The following OPRK1 variants were observed in gnomAD, a reference collection of about 807,000 sequenced individuals.
OPRK1 encodes kappa-type opioid receptor.
Under a neutral mutation model 24.5 loss-of-function variants are expected in OPRK1, and 15 were observed. The ratio of observed to expected loss-of-function variants is 0.61; its 90% confidence interval spans 0.41 to 0.94. The LOEUF (loss-of-function observed/expected upper bound fraction) is 0.94. Among genes scored for constraint, OPRK1 ranks in the 40% least tolerant of loss-of-function variants. OPRK1 has a pLI of 0.00. For missense variants in OPRK1, 479 were observed against 507.3 expected, an observed-to-expected ratio of 0.94 and a Z score of 0.54; for synonymous variants, 205 against 198.0, an observed-to-expected ratio of 1.04 and a Z score of -0.30.
At chr8:53,243,284 GCACAGCCA>G (rs1300727223) in intron 2 of OPRK1, among the ~76,000 whole-genome samples, 1 of 152,150 alleles carries the variant, frequency 6.6e-6, no homozygotes, top group African/African-American at 2.4e-5. Context: ...GGTGCCAACT[GCACAGCCA>G]CATGAAAATA....
chr8:53,239,596 C>T (rs1807069545), intron 2 of OPRK1, among the ~76,000 whole-genome samples: 2 of 152,162 alleles, frequency 1.3e-5, no homozygotes, highest in Admixed American at 1.3e-4. Context: ...TTATTGATGA[C>T]ATTATGTGAC....
chr8:53,238,807 A>G, intron 2 of OPRK1: 2 of 632,800 alleles, frequency 3.2e-6, no homozygotes, highest in Non-Finnish European at 3.9e-6. Context: ...GCACTTGAGA[A>G]GGGGGAGCTG....
At chr8:53,232,716 C>A (rs1393979078) in intron 3 of OPRK1, among the ~76,000 whole-genome samples, 1 of 152,154 alleles carries the variant, frequency 6.6e-6, no homozygotes, top group Non-Finnish European at 1.5e-5. Flanking sequence ...CTGCTGGCTC[C>A]TGTTCCAGCA....
intron 2 of OPRK1, among the ~76,000 whole-genome samples, chr8:53,245,487 C>T (rs73589373): frequency 0.1 from 15,137 of 152,112 alleles, 823 homozygotes; most frequent in South Asian, 0.18. Flanking sequence ...ACCCAGTCTG[C>T]GGTGCTTTGT....
At chr8:53,239,352 G>C (rs1168369766) in intron 2 of OPRK1, among the ~76,000 whole-genome samples, 1 of 152,224 alleles carries the variant, frequency 6.6e-6, no homozygotes, top group African/African-American at 2.4e-5. Context: ...GCTGTGTAGT[G>C]AGGAAATCAG....
At position 53,250,756 on chromosome 8, in the gene OPRK1, A is replaced by AGCGCTGCGCTGTCCCC. The variant is rs776100328; in HGVS notation, c.257+9_257+24dup. The AGCGCTGCGCTGTCCCC allele has an allele frequency of 7.6e-6, 12 of 1,573,394 alleles. No homozygotes were observed. The South Asian group carries it at 1.3e-4, about 17-fold the overall frequency. On this transcript the variant is annotated intron_variant, in intron 2 of 3. Coordinates refer to ENST00000265572, the MANE Select transcript of OPRK1 (RefSeq NM_000912.5). ...TCACTCCCTGCCCCGCCCAGCCCCC[A>AGCGCTGCGCTGTCCCC]GCGCTGCGCTGTCCCCGCGCTCACC...
At chr8:53,243,220 G>A (rs1807155295) in intron 2 of OPRK1, among the ~76,000 whole-genome samples, 1 of 152,218 alleles carries the variant, frequency 6.6e-6, no homozygotes, top group Non-Finnish European at 1.5e-5. Context: ...TGAGCACAGA[G>A]ACTCCTGGGG....
At chr8:53,251,284 C>T in intron 1 of OPRK1, 164 bp downstream of exon 1, 2 of 563,314 alleles carry the variant, frequency 3.6e-6, no homozygotes, top group Non-Finnish European at 5.9e-6. Context: ...GAAGAGCGCT[C>T]GCTCCTTCTC....
At chr8:53,246,967 C>A (rs1392050477) in intron 2 of OPRK1, among the ~76,000 whole-genome samples, 2 of 152,140 alleles carry the variant, frequency 1.3e-5, no homozygotes. Context: ...GTCAGATATA[C>A]TTGAAGGTGG....
At chr8:53,244,261 G>C (rs1295088038) in intron 2 of OPRK1, among the ~76,000 whole-genome samples, 2 of 152,178 alleles carry the variant, frequency 1.3e-5, no homozygotes, top group Admixed American at 1.3e-4. Flanking sequence ...TGGAACTTCT[G>C]TTCAGTGGAC....
At chr8:53,247,687 A>AG (rs71252984) in intron 2 of OPRK1, among the ~76,000 whole-genome samples, 151,961 of 151,962 alleles carry the variant, frequency 1, 75,980 homozygotes, top group Non-Finnish European at 1. Context: ...GGAAGTCAGG[A>AG]ACCACAGGAT....
In OPRK1 at chr8:53,229,612, G is replaced by A. The variant is rs775085942; in HGVS notation, c.828C>T (p.Val276=). ...CGACGAAGACTGCCACCACCACCAG[G>A]ACCAGTCTGGTGATCCTACGCAGGT... The part of the protein sequence containing the change: ...DRNLRRITRL[V]LVVVAVFVVC... Residue 276 remains valine, a synonymous_variant, in exon 4 of 4, where the codon GTC becomes GTT. Coordinates refer to ENST00000265572, the MANE Select transcript of OPRK1 (RefSeq NM_000912.5). The A allele has an allele frequency of 6.2e-7, 1 of 1,614,104 alleles. No homozygotes were observed. The highest frequency in any genetic ancestry group is 8.5e-7 in the Non-Finnish European group (1 of 1,179,976).
chr8:53,238,532 T>C (rs1175176412), intron 2 of OPRK1: 2 of 985,262 alleles, frequency 2.0e-6, no homozygotes, highest in Non-Finnish European at 2.4e-6. Flanking sequence ...GGAACTTGAG[T>C]TGTGAGCACC....
chr8:53,234,649 G>C (rs555961101), intron 3 of OPRK1, 110 bp downstream of exon 3: 2 of 937,128 alleles, frequency 2.1e-6, no homozygotes, highest in African/African-American at 3.3e-5. Context: ...CATTTCCGTC[G>C]TCTTTTGGCA....
intron 2 of OPRK1, chr8:53,238,597 A>G: frequency 1.0e-6 from 1 of 985,406 alleles, no homozygotes; most frequent in Non-Finnish European, 1.2e-6. Flanking sequence ...AGACTTAGAA[A>G]TGCTCCCCAG....
chr8:53,235,063 A>T lies in OPRK1; in HGVS notation c.306T>A (p.Ala102=). The part of the protein sequence containing the change: ...TATNIYIFNL[A]LADALVTTTM... Reference sequence around the variant, plus strand: ...TTGTAGTAACTAAAGCATCTGCCAAAGCCAGGTTAAATATGTAAATGTTGG... The same window carrying T: ...TTGTAGTAACTAAAGCATCTGCCAATGCCAGGTTAAATATGTAAATGTTGG... The change falls in exon 3 of 4, where the codon GCT becomes GCA. Residue 102 remains alanine, a synonymous_variant. Coordinates refer to ENST00000265572, the MANE Select transcript of OPRK1 (RefSeq NM_000912.5). The T allele has an allele frequency of 6.2e-7, 1 of 1,614,244 alleles. No individual in the cohort carries two copies. The highest frequency in any genetic ancestry group is 8.5e-7 in the Non-Finnish European group (1 of 1,180,042).
Position 53,235,088 on chromosome 8 carries a change from G to C in OPRK1, c.281C>G (p.Thr94Ser). The change falls in exon 3 of 4, where the codon ACC becomes AGC. Residue 94 changes from threonine (T) to serine (S), a missense_variant. Physicochemically the swap from Thr to Ser is moderately conservative, Grantham distance 58 (BLOSUM62 1). Coordinates refer to ENST00000265572, the MANE Select transcript of OPRK1 (RefSeq NM_000912.5). ...IIRYTKMKTA[T>S]NIYIFNLALA... is the part of the protein sequence containing the mutation. ...AGCCAGGTTAAATATGTAAATGTTG[G>C]TTGCTGTCTTCATCTTTGTGTATCT... The C allele has an allele frequency of 6.2e-7, 1 of 1,613,796 alleles. No homozygotes were observed. Among genetic ancestry groups the C allele is most frequent in the Non-Finnish European group, 8.5e-7 (1 of 1,179,756 alleles).
At position 53,229,168 on chromosome 8, in the gene OPRK1, A is replaced by C; in HGVS notation, c.*129T>G. 5.3e-6 allele frequency: 6 copies of C among 1,133,972 alleles called. No homozygotes were observed. The highest frequency in any genetic ancestry group is 7.3e-6 in the Non-Finnish European group (6 of 817,406). The allele number at this position is 1,133,972 out of a possible 1,614,324, so 70.2% of individuals were successfully genotyped here. A position where few individuals can be genotyped will look rare whatever the true frequency, so the allele number is the denominator to read the frequency against. On this transcript the variant is annotated 3_prime_UTR_variant, in exon 4 of 4. Coordinates refer to ENST00000265572, the MANE Select transcript of OPRK1 (RefSeq NM_000912.5). ...GGTCTGCATCTGATGACTTCAGACC[A>C]TGAGATCTCTAAAAGTTTATTTTAA...
chr8:53,234,635 A>C (rs550297495), intron 3 of OPRK1, 124 bp downstream of exon 3: 28 of 778,720 alleles, frequency 3.6e-5, no homozygotes, highest in Admixed American at 1.3e-4. Flanking sequence ...GGATTTAGGC[A>C]CTACATTTCC....
Sources: allele counts gnomAD v4.1 joint callset (sites outside exome capture counted in the v4.1 genomes callset), GRCh38; gene constraint gnomAD v4.1.1; transcripts MANE v1.5; gene names NCBI Gene and HGNC (gene_info 2026-07-23, HGNC 2026-07-21).